Variants in IQSEC1 observed in about 807,000 individuals in gnomAD.
IQSEC1 encodes IQ motif and Sec7 domain ArfGEF 1, also known as IQ motif and SEC7 domain-containing protein 1.
A neutral mutation model predicts 91.0 loss-of-function variants in IQSEC1; 31 were observed. The observed-to-expected ratio is 0.34, with a 90% CI of 0.26 to 0.46. The LOEUF is 0.46. IQSEC1 is among the 20% of genes least tolerant of loss of function. The pLI is 1.00. For missense variants in IQSEC1, 1,388 were observed against 1,575.6 expected, an observed-to-expected ratio of 0.88 and a Z score of 2.02; for synonymous variants, 699 against 662.6, an observed-to-expected ratio of 1.05 and a Z score of -0.84.
At chr3:13,116,960 G>A (rs1046051686) in intron 2 of IQSEC1, among the ~76,000 whole-genome samples, 5 of 151,904 alleles carry the variant, frequency 3.3e-5, no homozygotes, top group Non-Finnish European at 5.9e-5. Context: ...AGGCATAGGC[G>A]ACAAATGAAA....
chr3:12,902,691 A>AAAAACAAAAAAAAAAAAAAAAAAAAAAC (rs1559598776), intron 13 of IQSEC1, 82 bp downstream of exon 13: 2 of 720,274 alleles, frequency 2.8e-6, no homozygotes, highest in African/African-American at 3.7e-5. Flanking sequence ...AAAAAAAAAA[A>AAAAACAAAAAAAAAAAAAAAAAAAAAAC]AAACCAGGAC....
At chr3:13,269,128 G>C (rs1695549267) in intron 1 of IQSEC1, among the ~76,000 whole-genome samples, 1 of 152,192 alleles carries the variant, frequency 6.6e-6, no homozygotes, top group Non-Finnish European at 1.5e-5. Context: ...CTGCAGTGCA[G>C]GGGGTTGGGG....
chr3:12,900,044 CAACCAGCTTGT>C lies in IQSEC1; in HGVS notation c.*928_*938del. On this transcript the variant is annotated 3_prime_UTR_variant, in exon 14 of 14. Coordinates refer to ENST00000613206, the MANE Select transcript of IQSEC1 (RefSeq NM_001134382.3). ...AATCCGTGTAACCAATGTCCTAAGA[CAACCAGCTTGT>C]AACCAGCTGTCCTGAGTTGCTACTG... The C allele has an allele frequency of 2.0e-6, 2 of 985,392 alleles. No individual in the cohort carries two copies. The highest frequency in any genetic ancestry group is 2.4e-6 in the Non-Finnish European group (2 of 829,922). The allele number at this position is 985,392 out of a possible 1,614,324, so 61.0% of individuals were successfully genotyped here. A position where few individuals can be genotyped will look rare whatever the true frequency, so the allele number is the denominator to read the frequency against.
chr3:13,009,824 GC>G (rs1702800863), intron 1 of IQSEC1, among the ~76,000 whole-genome samples: 1 of 152,136 alleles, frequency 6.6e-6, no homozygotes, highest in Non-Finnish European at 1.5e-5. Flanking sequence ...CCTCCTCTCT[GC>G]CAGTGTGGCG....
intron 2 of IQSEC1, among the ~76,000 whole-genome samples, chr3:13,097,607 T>G (rs558450936): frequency 6.6e-6 from 1 of 152,236 alleles, no homozygotes; most frequent in Non-Finnish European, 1.5e-5. Flanking sequence ...GCACTCATGC[T>G]GTGAACGCCT....
rs2125538114 is a variant in IQSEC1 at position 12,970,085 on chromosome 3, A to C, written c.24-28220T>G. 6.6e-6 allele frequency among the ~76,000 whole-genome samples: 1 copy of C among 152,370 alleles called. No homozygotes were observed. The highest frequency in any genetic ancestry group is 1.9e-4 in the East Asian group (1 of 5,192). On this transcript the variant is annotated intron_variant, in intron 1 of 13. Coordinates refer to ENST00000613206, the MANE Select transcript of IQSEC1 (RefSeq NM_001134382.3). The surrounding 1 kb of genome is among the most constrained non-coding windows in gnomAD (Gnocchi z 4.4). ...AGTTTTCTGAGTCTCAGTTTCTGCA[A>C]CTGTAAAGAGTGGCTTAGCAGCCAC...
intron 1 of IQSEC1, among the ~76,000 whole-genome samples, chr3:13,186,467 A>G (rs1693933408): frequency 6.6e-6 from 1 of 152,180 alleles, no homozygotes; most frequent in Non-Finnish European, 1.5e-5. Context: ...GGGAGTGGGA[A>G]AAGCTGGGGA....
At chr3:13,078,504 G>A (rs996221331) in intron 2 of IQSEC1, among the ~76,000 whole-genome samples, 6 of 151,948 alleles carry the variant, frequency 3.9e-5, no homozygotes, top group Admixed American at 6.6e-5. Context: ...GTGTAGCCTG[G>A]GGGGGAAGGC....
At chr3:13,144,340 C>G (rs993483183) in intron 2 of IQSEC1, among the ~76,000 whole-genome samples, 10 of 152,206 alleles carry the variant, frequency 6.6e-5, no homozygotes, top group African/African-American at 2.4e-4. Flanking sequence ...TGCCTGATAT[C>G]TGGTCACCGC....
intron 1 of IQSEC1, among the ~76,000 whole-genome samples, chr3:13,226,335 C>T (rs1694753887): frequency 6.6e-6 from 1 of 152,312 alleles, no homozygotes; most frequent in Non-Finnish European, 1.5e-5. Flanking sequence ...TCAGTTTACT[C>T]ATTTTTAAAT....
intron 2 of IQSEC1, among the ~76,000 whole-genome samples, chr3:13,154,066 A>G (rs1291921278): frequency 6.6e-6 from 1 of 152,048 alleles, no homozygotes; most frequent in Non-Finnish European, 1.5e-5. Flanking sequence ...GCACTGGGTG[A>G]CCACACATTG....
rs1393612737 is a variant in IQSEC1 at position 12,924,094 on chromosome 3, C to G, written c.1730+487G>C. On this transcript the variant is annotated intron_variant, in intron 4 of 13. Coordinates refer to ENST00000613206, the MANE Select transcript of IQSEC1 (RefSeq NM_001134382.3). This position sits in a 1 kb window ranked among gnomAD's most constrained non-coding sequence, Gnocchi z 6.3. ...CCCACGGGGAGGCAGGTCACTTGATCTGACTCCCCACCACTCTCCCCAGGG... is the reference window on the plus strand; with the variant it reads ...CCCACGGGGAGGCAGGTCACTTGATGTGACTCCCCACCACTCTCCCCAGGG... Among the ~76,000 whole-genome samples, 2 of 152,182 alleles carry G rather than the reference C, an allele frequency of 1.3e-5. No homozygotes were observed. The highest frequency in any genetic ancestry group is 2.4e-5 in the African/African-American group (1 of 41,452).
In IQSEC1 at chr3:12,899,141, T is replaced by G; in HGVS notation, c.*1842A>C. 1 of 550,128 alleles carries G rather than the reference T, an allele frequency of 1.8e-6. No individual in the cohort carries two copies. Among genetic ancestry groups the G allele is most frequent in the South Asian group, 2.4e-5 (1 of 42,510 alleles). The allele number at this position is 550,128 out of a possible 1,614,324, so 34.1% of individuals were successfully genotyped here. A position where few individuals can be genotyped will look rare whatever the true frequency, so the allele number is the denominator to read the frequency against. On this transcript the variant is annotated 3_prime_UTR_variant, in exon 14 of 14. Coordinates refer to ENST00000613206, the MANE Select transcript of IQSEC1 (RefSeq NM_001134382.3). ...GTTTGCAGATTTGCTGGTACGGTGATCTCAATGATATGACCGAGGGTGGGA... is the reference window on the plus strand; with the variant it reads ...GTTTGCAGATTTGCTGGTACGGTGAGCTCAATGATATGACCGAGGGTGGGA...
chr3:13,264,387 C>T (rs575601956), intron 1 of IQSEC1, among the ~76,000 whole-genome samples: 5 of 152,314 alleles, frequency 3.3e-5, no homozygotes, highest in East Asian at 1.9e-4. Context: ...AGGGCGGACA[C>T]GGTGAAAACA....
intron 1 of IQSEC1, among the ~76,000 whole-genome samples, chr3:13,216,087 A>G (rs948018163): frequency 3.9e-5 from 6 of 152,238 alleles, no homozygotes; most frequent in African/African-American, 1.4e-4. Flanking sequence ...AGCTCTGTCC[A>G]ACACCTATTG....
At chr3:13,145,810 G>GGC (rs1246312770) in intron 2 of IQSEC1, among the ~76,000 whole-genome samples, 1 of 134,294 alleles carries the variant, frequency 7.4e-6, no homozygotes, top group Non-Finnish European at 1.6e-5. Context: ...GGGGCGGGGG[G>GGC]GGGGGGTCCT....
intron 1 of IQSEC1, among the ~76,000 whole-genome samples, chr3:13,201,188 G>A (rs1288945065): frequency 6.6e-6 from 1 of 152,188 alleles, no homozygotes; most frequent in East Asian, 1.9e-4. Flanking sequence ...AAGGCCACAT[G>A]GCCAGGAAGG....
intron 1 of IQSEC1, among the ~76,000 whole-genome samples, chr3:13,271,606 G>A (rs774112925): frequency 8.6e-5 from 13 of 151,934 alleles, no homozygotes; most frequent in Non-Finnish European, 1.8e-4. Context: ...GACCAGCCTG[G>A]GCAACAAAGC....
At chr3:12,950,589 T>C (rs949136894) in intron 1 of IQSEC1, among the ~76,000 whole-genome samples, 1 of 152,108 alleles carries the variant, frequency 6.6e-6, no homozygotes, top group Non-Finnish European at 1.5e-5. Context: ...GGAGGATCAC[T>C]TGAGGCCAGG....
Sources: allele counts gnomAD v4.1 joint callset (sites outside exome capture counted in the v4.1 genomes callset), GRCh38; gene constraint gnomAD v4.1.1; non-coding constraint Gnocchi (gnomAD v3.1); transcripts MANE v1.5; gene names NCBI Gene and HGNC (gene_info 2026-07-23, HGNC 2026-07-21).